BTRC: variants seen among roughly 807,000 people sequenced by gnomAD.
BTRC encodes beta-transducin repeat containing E3 ubiquitin protein ligase, also known as F-box/WD repeat-containing protein 1A.
In BTRC, 42 loss-of-function variants were observed where a neutral mutation model predicts 85.5. The observed-to-expected ratio is 0.49, with a 90% CI of 0.38 to 0.64. The LOEUF is 0.64. Among genes scored for constraint, BTRC ranks in the 30% least tolerant of loss-of-function variants. The pLI is 0.00. For missense variants in BTRC, 594 were observed against 743.5 expected (o/e 0.80, Z 2.34); for synonymous variants, 255 against 263.3 (o/e 0.97, Z 0.30).
Position 101,532,797 on chromosome 10 carries a change from TGCGCGC to T in BTRC, c.979-146_979-141del, listed in dbSNP as rs5787439. 1.3e-4 allele frequency among the ~76,000 whole-genome samples: 18 copies of T among 141,174 alleles called. 1 individual carries two copies. Among genetic ancestry groups the T allele is most frequent in the East Asian group, 6.0e-4 (3 of 5,020 alleles). 92.6% of individuals were successfully genotyped at this position (141,174 alleles called of 152,430 possible). On this transcript the variant is annotated intron_variant, in intron 8 of 14. Transcript: ENST00000370187. ...GTGTGTGTGTGTGTGTGTGCGCGTG[TGCGCGC>T]GCGCGCGCTTAGCTATACCTATAGA...
At chr10:101,545,921 C>G (rs921277029) in intron 13 of BTRC, among the ~76,000 whole-genome samples, 1 of 152,080 alleles carries the variant, frequency 6.6e-6, no homozygotes, top group Admixed American at 6.6e-5. Flanking sequence ...CCAAGAAGAC[C>G]TAACAATCCT....
chr10:101,527,412 T>A (rs1236471644), intron 6 of BTRC, among the ~76,000 whole-genome samples: 1 of 152,106 alleles, frequency 6.6e-6, no homozygotes, highest in African/African-American at 2.4e-5. Context: ...TCTCTCAAAT[T>A]GAATTAAAGG....
chr10:101,443,289 G>T (rs1025600545), intron 2 of BTRC, among the ~76,000 whole-genome samples: 4 of 152,118 alleles, frequency 2.6e-5, no homozygotes, highest in African/African-American at 7.2e-5. Context: ...AAGAAAAAAA[G>T]AATCTTAGTC....
At chr10:101,436,462 T>C (rs1438154477) in intron 2 of BTRC, among the ~76,000 whole-genome samples, 1 of 152,000 alleles carries the variant, frequency 6.6e-6, no homozygotes, top group East Asian at 1.9e-4. Flanking sequence ...CTGGGCAACA[T>C]AGTGAGACCC....
intron 1 of BTRC, 88 bp downstream of exon 1, chr10:101,354,316 G>C: frequency 1.4e-6 from 2 of 1,445,788 alleles, no homozygotes; most frequent in Non-Finnish European, 1.9e-6. Context: ...TGCGGGACCG[G>C]GCAGCGGGAC....
At chr10:101,432,489 T>C (rs562362282) in intron 2 of BTRC, among the ~76,000 whole-genome samples, 99 of 152,254 alleles carry the variant, frequency 6.5e-4, no homozygotes, top group Non-Finnish European at 1.1e-3. Context: ...GAATCCATAG[T>C]CTAGTTTGTT....
chr10:101,496,005 AGT>A (rs1491292333), intron 4 of BTRC, among the ~76,000 whole-genome samples: 3 of 44,534 alleles, frequency 6.7e-5, no homozygotes, highest in African/African-American at 2.0e-4. Context: ...GGAATCATAT[AGT>A]ATTTTTTTTT....
chr10:101,515,178 A>G (rs917735079), intron 4 of BTRC, among the ~76,000 whole-genome samples: 1 of 149,258 alleles, frequency 6.7e-6, no homozygotes, highest in Non-Finnish European at 1.5e-5. Context: ...CTGGTCTCAA[A>G]CTCCTGACTT....
At chr10:101,355,687 C>G (rs1028802455) in intron 1 of BTRC, among the ~76,000 whole-genome samples, 3 of 152,202 alleles carry the variant, frequency 2.0e-5, no homozygotes, top group Non-Finnish European at 4.4e-5. Context: ...AATACCGTAA[C>G]AAATCCAGAT....
chr10:101,466,041 G>A (rs1336543257), intron 3 of BTRC, among the ~76,000 whole-genome samples: 1 of 152,152 alleles, frequency 6.6e-6, no homozygotes, highest in Non-Finnish European at 1.5e-5. Context: ...CAAGGGCAAA[G>A]GCCTGGGAGG....
intron 1 of BTRC, among the ~76,000 whole-genome samples, chr10:101,425,212 T>C (rs1944218860): frequency 6.6e-6 from 1 of 152,224 alleles, no homozygotes; most frequent in Non-Finnish European, 1.5e-5. Context: ...GATGGGTACC[T>C]GGGTTGATTC....
intron 2 of BTRC, among the ~76,000 whole-genome samples, chr10:101,454,905 G>A (rs1043080578): frequency 3.9e-5 from 6 of 152,114 alleles, no homozygotes; most frequent in Admixed American, 2.6e-4. Context: ...GTGTAATATA[G>A]TAGGGAATTC....
chr10:101,412,412 AG>A (rs1943806097), intron 1 of BTRC, among the ~76,000 whole-genome samples: 1 of 152,180 alleles, frequency 6.6e-6, no homozygotes, highest in South Asian at 2.1e-4. Flanking sequence ...CCCGTCATTC[AG>A]GGATTACATT....
chr10:101,538,484 A>G, intron 13 of BTRC, 113 bp downstream of exon 13: 4 of 941,824 alleles, frequency 4.2e-6, no homozygotes, highest in Non-Finnish European at 6.7e-6. Flanking sequence ...CACAAAACCT[A>G]CAACTAAGTG....
At chr10:101,479,105 A>G (rs1309151093) in intron 3 of BTRC, among the ~76,000 whole-genome samples, 1 of 152,220 alleles carries the variant, frequency 6.6e-6, no homozygotes, top group African/African-American at 2.4e-5. Flanking sequence ...AATGCTACAT[A>G]ATCAGTACCC....
intron 4 of BTRC, among the ~76,000 whole-genome samples, chr10:101,484,741 A>G (rs1945937718): frequency 6.6e-6 from 1 of 152,238 alleles, no homozygotes; most frequent in South Asian, 2.1e-4. Flanking sequence ...TGTGGTTGGA[A>G]AAACTGTGGA....
intron 1 of BTRC, among the ~76,000 whole-genome samples, chr10:101,377,608 T>C (rs1942824218): frequency 6.6e-6 from 1 of 152,212 alleles, no homozygotes; most frequent in Admixed American, 6.5e-5. Context: ...GTGGTTTCAA[T>C]TTGTATTTCC....
At chr10:101,366,800 A>ATATATATT (rs1564729710) in intron 1 of BTRC, among the ~76,000 whole-genome samples, 4 of 91,976 alleles carry the variant, frequency 4.3e-5, no homozygotes, top group African/African-American at 1.9e-4. Context: ...TTTTACATTT[A>ATATATATT]TATATATATT....
intron 2 of BTRC, among the ~76,000 whole-genome samples, chr10:101,443,846 A>T (rs1041329950): frequency 1.3e-5 from 2 of 152,230 alleles, no homozygotes; most frequent in African/African-American, 4.8e-5. Flanking sequence ...GGCCATTCAC[A>T]ACTAGCCACA....
Sources: gnomAD v4.1 joint callset for allele counts (sites outside exome capture counted in the v4.1 genomes callset) on GRCh38, gnomAD v4.1.1 for gene constraint, MANE v1.5 for transcripts, NCBI Gene and HGNC (gene_info 2026-07-23, HGNC 2026-07-21) for gene names.